The following PIEZO2 variants were observed in gnomAD, a reference collection of about 807,000 sequenced individuals.
The protein encoded by PIEZO2 is piezo type mechanosensitive ion channel component 2.
Under a neutral mutation model 337.3 loss-of-function variants are expected in PIEZO2, and 172 were observed. The ratio of observed to expected loss-of-function variants is 0.51; its 90% CI spans 0.45 to 0.58. PIEZO2 has a LOEUF of 0.58. PIEZO2 is among the 20% of genes least tolerant of loss of function. The pLI, the probability that PIEZO2 is intolerant of heterozygous loss-of-function variation, is 0.00. For synonymous variants in PIEZO2, 1,251 were observed against 1,228.5 expected (o/e 1.02, Z -0.38); for missense variants, 3,028 against 3,391.3 (o/e 0.89, Z 2.66).
intron 4 of PIEZO2, among the ~76,000 whole-genome samples, chr18:10,880,093 A>C (rs551960589): frequency 2.1e-4 from 32 of 152,192 alleles, no homozygotes; most frequent in Admixed American, 3.9e-4. Context: ...TAGATACAAA[A>C]GTGTATCTTT....
chr18:10,799,962 G>A lies in PIEZO2; in HGVS notation c.1378+375C>T, dbSNP rs1451756577. ...CACTCCAGCCTGGGAGACAGAGCGA[G>A]ACTCTGTCTCAAAAAAAAAAAAAAA... is the stretch of plus-strand genomic sequence containing the variant. On this transcript the variant is annotated intron_variant, in intron 11 of 55. Transcript: ENST00000674853. 6.1e-4 allele frequency among the ~76,000 whole-genome samples: 67 copies of A among 110,710 alleles called. 2 individuals are homozygous for A. The highest frequency in any genetic ancestry group is 2.1e-3 in the African/African-American group (61 of 29,358). The allele number at this position is 110,710 out of a possible 152,430, so 72.6% of individuals were successfully genotyped here.
chr18:10,728,968 A>C (rs890104647), intron 36 of PIEZO2, among the ~76,000 whole-genome samples: 9 of 148,400 alleles, frequency 6.1e-5, no homozygotes, highest in South Asian at 2.2e-4. Flanking sequence ...AAAAAAAAAA[A>C]AAAAAACAAA....
Position 11,047,359 on chromosome 18 carries a change from G to A in PIEZO2, c.160+18768C>T, listed in dbSNP as rs2037351302. On this transcript the variant is annotated intron_variant, in intron 2 of 55. Coordinates refer to ENST00000674853, the MANE Select transcript of PIEZO2 (RefSeq NM_001378183.1). This position sits in a 1 kb window ranked among gnomAD's most constrained non-coding sequence, Gnocchi z 7.2. The stretch of plus-strand genomic sequence containing the variant: ...TGGGGGTGGGGAGCAAGGTTGGAAT[G>A]GAGTAGGAGCGAGGGAGCCGCGCAG... Among the ~76,000 whole-genome samples, 1 of 152,188 alleles carries A rather than the reference G, an allele frequency of 6.6e-6. No individual in the cohort carries two copies. The highest frequency in any genetic ancestry group is 1.5e-5 in the Non-Finnish European group (1 of 68,044).
At chr18:10,785,031 A>T in intron 16 of PIEZO2, 74 bp from the exon 17 acceptor site, 3 of 1,414,582 alleles carry the variant, frequency 2.1e-6, no homozygotes, top group Non-Finnish European at 2.8e-6. Flanking sequence ...GTGATAAACT[A>T]CATCACAGTC....
chr18:10,949,403 C>T (rs936244929), intron 3 of PIEZO2, among the ~76,000 whole-genome samples: 7 of 152,200 alleles, frequency 4.6e-5, no homozygotes, highest in African/African-American at 1.7e-4. Context: ...GGCTAAAGAT[C>T]GCACTTGTTC....
rs142488199 is a variant in PIEZO2, at chr18:10,825,106, C to T, written c.918-17832G>A. ...CTTGAACTCCTGACCTCAGGTGATC[C>T]ACTCGCCTCGGCCTCCCAAAGTGCT... is the stretch of plus-strand genomic sequence containing the variant. On this transcript the variant is annotated intron_variant, in intron 7 of 55. Transcript: ENST00000674853. Among the ~76,000 whole-genome samples, 264 of 152,082 alleles carry T rather than the reference C, an allele frequency of 1.7e-3. 2 individuals carry two copies. The highest frequency in any genetic ancestry group is 6.2e-3 in the African/African-American group (256 of 41,492).
chr18:11,131,921 T>C lies in PIEZO2; in HGVS notation c.64+16604A>G, dbSNP rs2040352053. Among the ~76,000 whole-genome samples the C allele has an allele frequency of 6.6e-6, 1 of 152,154 alleles. No homozygotes were observed. Among genetic ancestry groups the C allele is most frequent in the Non-Finnish European group, 1.5e-5 (1 of 68,020 alleles). ...AATGGGCCCATGAACAAAGGGGCCA[T>C]GGTGGCAGGGTTGGAGGTTATACAT... On this transcript the variant is annotated intron_variant, in intron 1 of 55. Coordinates refer to ENST00000674853, the MANE Select transcript of PIEZO2 (RefSeq NM_001378183.1). This position sits in a 1 kb window ranked among gnomAD's most constrained non-coding sequence, Gnocchi z 5.3.
chr18:11,143,215 G>A lies in PIEZO2; in HGVS notation c.64+5310C>T, dbSNP rs1438205487. On this transcript the variant is annotated intron_variant, in intron 1 of 55. Coordinates refer to ENST00000674853, the MANE Select transcript of PIEZO2 (RefSeq NM_001378183.1). The surrounding 1 kb of genome is among the most constrained non-coding windows in gnomAD (Gnocchi z 4.9). Reference sequence around the variant, plus strand: ...CAAAAATCTTATAAGCTGTAATGTTGTAGATTATACACATGGTATCATATT... The same window carrying A: ...CAAAAATCTTATAAGCTGTAATGTTATAGATTATACACATGGTATCATATT... 6.6e-6 allele frequency among the ~76,000 whole-genome samples: 1 copy of A among 152,034 alleles called. No homozygotes were observed. The highest frequency in any genetic ancestry group is 1.5e-5 in the Non-Finnish European group (1 of 68,036).
In PIEZO2 at chr18:10,846,763, A is replaced by G. The variant is rs1340232474; in HGVS notation, c.917+8590T>C. Among the ~76,000 whole-genome samples, 2 of 152,208 alleles carry G rather than the reference A, an allele frequency of 1.3e-5. No homozygotes were observed. The highest frequency in any genetic ancestry group is 3.8e-4 in the East Asian group (2 of 5,196). ...TGGAAGGAGGTGCATGGGTAGGTTT[A>G]AGGGACAAACAGGAGCCAGTGAGAG... On this transcript the variant is annotated intron_variant, in intron 7 of 55. Transcript: ENST00000674853. This position sits in a 1 kb window ranked among gnomAD's most constrained non-coding sequence, Gnocchi z 4.1.
intron 30 of PIEZO2, among the ~76,000 whole-genome samples, chr18:10,747,158 T>C (rs1369779591): frequency 6.6e-6 from 1 of 152,226 alleles, no homozygotes; most frequent in East Asian, 1.9e-4. Flanking sequence ...TCATTCTTAC[T>C]ATAACATGAT....
rs2041502888 is a variant in PIEZO2 at position 10,850,244 on chromosome 18, G to A, written c.917+5109C>T. ...TGGAAGGAAGCACGTGATTTTTTGG[G>A]ACCATGGGGTGAAAAGAAGGGATTA... On this transcript the variant is annotated intron_variant, in intron 7 of 55. Transcript: ENST00000674853. This position sits in a 1 kb window ranked among gnomAD's most constrained non-coding sequence, Gnocchi z 4.5. Among the ~76,000 whole-genome samples the A allele has an allele frequency of 6.6e-6, 1 of 152,152 alleles. No individual in the cohort carries two copies. Among genetic ancestry groups the A allele is most frequent in the African/African-American group, 2.4e-5 (1 of 41,450 alleles).
Position 10,770,183 on chromosome 18 carries a change from C to T in PIEZO2, c.2911G>A (p.Val971Ile), listed in dbSNP as rs1013027921. 1.0e-5 allele frequency: 16 copies of T among 1,537,192 alleles called. No homozygotes were observed. Among genetic ancestry groups the T allele is most frequent in the African/African-American group, 1.4e-5 (1 of 73,142 alleles). The part of the protein sequence containing the change: ...WILELHIIKI[V>I]SSYIIWVSVK... ...GAAACCCAGATAATGTAAGAGGAAA[C>T]GATTTTGATGATGTGCAACTCCAAA... The change falls in exon 21 of 56, where the codon GTT becomes ATT. Residue 971 changes from valine to isoleucine, a missense_variant. This residue lies in a region of PIEZO2 where 1,925 missense variants were observed against 2,051.9 expected (regional missense o/e 0.94). Coordinates refer to ENST00000674853, the MANE Select transcript of PIEZO2 (RefSeq NM_001378183.1).
At chr18:10,697,931 C>CA (rs2035169386) in intron 44 of PIEZO2, 51 bp from the exon 45 acceptor site, 1 of 1,552,234 alleles carries the variant, frequency 6.4e-7, no homozygotes, top group Admixed American at 2.0e-5. Flanking sequence ...GGGGTTTGTT[C>CA]ACCTAAATAT....
Position 11,102,090 on chromosome 18 carries a change from G to A in PIEZO2, c.65-35868C>T, listed in dbSNP as rs1363915037. 1.3e-5 allele frequency among the ~76,000 whole-genome samples: 2 copies of A among 152,102 alleles called. No individual in the cohort carries two copies. The highest frequency in any genetic ancestry group is 2.9e-5 in the Non-Finnish European group (2 of 68,006). ...AATGTATTCCCTTTTTCAAAATGCT[G>A]AAAGGATAGACCAAAACCCTTCTAA... is the stretch of plus-strand genomic sequence containing the variant. On this transcript the variant is annotated intron_variant, in intron 1 of 55. Transcript: ENST00000674853. The surrounding 1 kb of genome is among the most constrained non-coding windows in gnomAD (Gnocchi z 5.7).
At chr18:10,881,363 AT>A (rs1237599807) in intron 4 of PIEZO2, among the ~76,000 whole-genome samples, 19 of 152,242 alleles carry the variant, frequency 1.2e-4, no homozygotes, top group Non-Finnish European at 4.4e-5. Flanking sequence ...ACAGTGCTTT[AT>A]TCTCCTAAAA....
At chr18:11,107,678 T>C (rs970339884) in intron 1 of PIEZO2, among the ~76,000 whole-genome samples, 1 of 152,246 alleles carries the variant, frequency 6.6e-6, no homozygotes, top group Non-Finnish European at 1.5e-5. Context: ...CCTAAAATTA[T>C]TAATAAATTT....
At chr18:10,711,064 T>C (rs2035801341) in intron 39 of PIEZO2, among the ~76,000 whole-genome samples, 1 of 152,244 alleles carries the variant, frequency 6.6e-6, no homozygotes, top group Non-Finnish European at 1.5e-5. Flanking sequence ...ATTTTGACAG[T>C]CTTTGTCAAA....
intron 11 of PIEZO2, among the ~76,000 whole-genome samples, chr18:10,799,048 T>C (rs1478125827): frequency 1.3e-5 from 2 of 152,180 alleles, no homozygotes; most frequent in African/African-American, 4.8e-5. Flanking sequence ...GACTAACCAG[T>C]TGTACAGTTA....
Position 11,006,381 on chromosome 18 carries a change from CATA to C in PIEZO2, c.161-26724_161-26722del, listed in dbSNP as rs574853431. ...TGAATGAAATATATCAGGTGAAGCT[CATA>C]AGTCATATGTTAATCAGCACAGCCT... is the stretch of plus-strand genomic sequence containing the variant. On this transcript the variant is annotated intron_variant, in intron 2 of 55. Transcript: ENST00000674853. 3.7e-3 allele frequency among the ~76,000 whole-genome samples: 565 copies of C among 152,260 alleles called. 2 individuals carry two copies. Among genetic ancestry groups the C allele is most frequent in the African/African-American group, 0.013 (534 of 41,556 alleles).
Sources: allele counts gnomAD v4.1 joint callset (sites outside exome capture counted in the v4.1 genomes callset), GRCh38; gene constraint gnomAD v4.1.1; regional missense constraint gnomAD v4.1.1; non-coding constraint Gnocchi (gnomAD v3.1); transcripts MANE v1.5; gene names NCBI Gene and HGNC (gene_info 2026-07-23, HGNC 2026-07-21).